Variants in ITSN1 observed in about 807,000 individuals in gnomAD.
The protein encoded by ITSN1 is intersectin-1.
ITSN1 carries 58 observed loss-of-function variants against 239.8 expected under a neutral mutation model. That is an observed-to-expected ratio of 0.24 (90% confidence interval 0.20 to 0.30). The LOEUF (loss-of-function observed/expected upper bound fraction) is 0.30, where lower values mean the gene tolerates loss of function less well. Ranked by LOEUF, ITSN1 falls within the 10% of genes least tolerant of loss-of-function variation. ITSN1 has a pLI of 1.00. For missense variants in ITSN1, 1,558 were observed against 2,103.3 expected, an observed-to-expected ratio of 0.74 and a Z score of 5.07; for synonymous variants, 780 against 770.8, an observed-to-expected ratio of 1.01 and a Z score of -0.20.
Position 33,882,471 on chromosome 21 carries a change from G to C in ITSN1, c.4554+16G>C. 2.5e-6 allele frequency: 4 copies of C among 1,606,386 alleles called. No homozygotes were observed. The highest frequency in any genetic ancestry group is 3.4e-6 in the Non-Finnish European group (4 of 1,174,496). On this transcript the variant is annotated intron_variant, in intron 35 of 39. Coordinates refer to ENST00000381318, the MANE Select transcript of ITSN1 (RefSeq NM_003024.3). This position sits in a 1 kb window ranked among gnomAD's most constrained non-coding sequence, Gnocchi z 4.5. ...GTATAAAACAGTAAGTTGGATTCTA[G>C]ATTTTGCATTATCAGGGTTGACGTG... is the stretch of plus-strand genomic sequence containing the variant.
chr21:33,721,400 G>A, intron 3 of ITSN1, 130 bp downstream of exon 3: 1 of 625,734 alleles, frequency 1.6e-6, no homozygotes, highest in South Asian at 2.1e-5. Flanking sequence ...CCCTAACCTT[G>A]TGCCTGTCCT....
rs552039109 is a variant in ITSN1 at position 33,751,028 on chromosome 21, G to A, written c.526+706G>A. Among the ~76,000 whole-genome samples the A allele has an allele frequency of 7.2e-4, 110 of 152,178 alleles. 1 individual carries two copies. Among genetic ancestry groups the A allele is most frequent in the Admixed American group, 3.2e-3 (49 of 15,286 alleles). On this transcript the variant is annotated intron_variant, in intron 6 of 39. Coordinates refer to ENST00000381318, the MANE Select transcript of ITSN1 (RefSeq NM_003024.3). ...AGCATCATACTTGAAACATTTCTGC[G>A]CCTTTGGCCCCCTGAATTTGTTGTA...
At chr21:33,647,518 C>T (rs973940452) in intron 1 of ITSN1, among the ~76,000 whole-genome samples, 10 of 151,406 alleles carry the variant, frequency 6.6e-5, no homozygotes, top group East Asian at 1.9e-4. Context: ...TTTTTTCAGA[C>T]GGAGTCTCAG....
intron 14 of ITSN1, among the ~76,000 whole-genome samples, chr21:33,781,240 A>G (rs111636625): frequency 1.3e-5 from 2 of 152,230 alleles, no homozygotes; most frequent in Non-Finnish European, 2.9e-5. Context: ...AATATAAGAA[A>G]TATCAGGGAA....
intron 1 of ITSN1, among the ~76,000 whole-genome samples, chr21:33,656,663 G>A (rs2089108627): frequency 6.6e-6 from 1 of 152,084 alleles, no homozygotes; most frequent in South Asian, 2.1e-4. Flanking sequence ...AGCCCCCGGA[G>A]TAGGTAGATC....
At chr21:33,660,895 A>G (rs2089497995) in intron 1 of ITSN1, among the ~76,000 whole-genome samples, 1 of 152,166 alleles carries the variant, frequency 6.6e-6, no homozygotes, top group Non-Finnish European at 1.5e-5. Context: ...AACATCATGT[A>G]TTGGTCATTT....
At position 33,890,059 on chromosome 21, in the gene ITSN1, A is replaced by G. The variant is rs1182261346; in HGVS notation, c.*1759A>G. ...CTGAACATGTTAGAGACCAAGTTTA[A>G]CTTCAGGCATGCATTTGTTTACCAT... On this transcript the variant is annotated 3_prime_UTR_variant, in exon 40 of 40. Coordinates refer to ENST00000381318, the MANE Select transcript of ITSN1 (RefSeq NM_003024.3). The G allele has an allele frequency of 2.0e-5, 3 of 152,234 alleles. No homozygotes were observed. Among genetic ancestry groups the G allele is most frequent in the Admixed American group, 6.5e-5 (1 of 15,278 alleles). 9.4% of individuals were successfully genotyped at this position (152,234 alleles called of 1,614,324 possible).
rs527827314 is a variant in ITSN1 at position 33,775,017 on chromosome 21, G to A, written c.1505G>A (p.Arg502Gln). 1.9e-5 allele frequency: 31 copies of A among 1,613,838 alleles called. No individual in the cohort carries two copies. In the East Asian group the frequency reaches 2.0e-4, roughly 10 times the overall value. The change falls in exon 14 of 40, where the codon CGA (arginine) becomes CAA (glutamine). Residue 502 changes from arginine (R) to glutamine (Q), a missense_variant. Arg to Gln is a conservative substitution (Grantham distance 43, BLOSUM62 1). Coordinates refer to ENST00000381318, the MANE Select transcript of ITSN1 (RefSeq NM_003024.3). ...LEGKLQDIRC[R>Q]LTTQRQEIES... The stretch of plus-strand genomic sequence containing the variant: ...GGGAAACTTCAAGATATCAGATGTC[G>A]ATTGACCACCCAAAGGCAAGAAATT...
At chr21:33,782,868 A>G (rs2070316870) in intron 16 of ITSN1, among the ~76,000 whole-genome samples, 1 of 151,938 alleles carries the variant, frequency 6.6e-6, no homozygotes. Context: ...TACTAAAAAT[A>G]CAAAAAATTA....
At position 33,836,473 on chromosome 21, in the gene ITSN1, G is replaced by A. The variant is rs185723649; in HGVS notation, c.3502G>A (p.Ala1168Thr). ...CQVIGMYDYT[A>T]QNDDELAFNK... The stretch of plus-strand genomic sequence containing the variant: ...GGTGATTGGGATGTACGACTACACC[G>A]CGCAGAATGACGATGAGCTGGCCTT... The change falls in exon 29 of 40, where the codon GCG (alanine) becomes ACG (threonine). Residue 1168 changes from alanine to threonine, a missense_variant. This residue lies in a region of ITSN1 where 576 missense variants were observed against 893.3 expected (regional missense o/e 0.64). Coordinates refer to ENST00000381318, the MANE Select transcript of ITSN1 (RefSeq NM_003024.3). The A allele has an allele frequency of 9.5e-5, 153 of 1,613,404 alleles. No homozygotes were observed. The African/African-American group carries it at 1.0e-3, about 11-fold the overall frequency.
intron 4 of ITSN1, among the ~76,000 whole-genome samples, chr21:33,729,688 A>G (rs1345991557): frequency 1.3e-5 from 2 of 152,216 alleles, no homozygotes; most frequent in African/African-American, 4.8e-5. Flanking sequence ...ATGGTAATCC[A>G]TATATTGCCA....
In ITSN1 at chr21:33,875,386, C is replaced by T; in HGVS notation, c.4206C>T (p.Asp1402=). The T allele has an allele frequency of 6.2e-7, 1 of 1,613,478 alleles. No individual in the cohort carries two copies. The change falls in exon 34 of 40, where the codon GAC becomes GAT. Residue 1402 remains aspartate, a synonymous_variant. Coordinates refer to ENST00000381318, the MANE Select transcript of ITSN1 (RefSeq NM_003024.3). Reference sequence around the variant, plus strand: ...AAAACACCCCTGAAAACCACCCGGACCACAGCCACTTGAAGCACGCCCTGG... The same window carrying T: ...AAAACACCCCTGAAAACCACCCGGATCACAGCCACTTGAAGCACGCCCTGG... ...ILENTPENHP[D]HSHLKHALEK...
At chr21:33,748,417 T>G (rs369315801) in intron 5 of ITSN1, among the ~76,000 whole-genome samples, 2 of 152,070 alleles carry the variant, frequency 1.3e-5, no homozygotes, top group East Asian at 1.9e-4. Context: ...TGACTGTACT[T>G]CAGCCTGGGT....
Position 33,802,439 on chromosome 21 carries a change from G to A in ITSN1, c.2314G>A (p.Glu772Lys), listed in dbSNP as rs898961805. 6 of 1,613,554 alleles carry A rather than the reference G, an allele frequency of 3.7e-6. No individual in the cohort carries two copies. In the African/African-American group the frequency reaches 5.3e-5, roughly 14 times the overall value. ...QPGDIVMVKG[E>K]WVDESQTGEP... Reference sequence around the variant, plus strand: ...TGCTTTCCTGGTGGAGGTTAAAGGGGAATGGGTAAGTGTTGCCTAACTGTC... The same window carrying A: ...TGCTTTCCTGGTGGAGGTTAAAGGGAAATGGGTAAGTGTTGCCTAACTGTC... The change falls in exon 20 of 40, where the codon GAA becomes AAA. Residue 772 changes from glutamate (E) to lysine (K), a missense_variant. This residue lies in a region of ITSN1 where 982 missense variants were observed against 1,209.9 expected (regional missense o/e 0.81). Coordinates refer to ENST00000381318, the MANE Select transcript of ITSN1 (RefSeq NM_003024.3).
intron 1 of ITSN1, among the ~76,000 whole-genome samples, chr21:33,706,680 C>G (rs181271480): frequency 6.6e-6 from 1 of 152,286 alleles, no homozygotes; most frequent in Admixed American, 6.5e-5. Context: ...AGATCTGCCA[C>G]TTAACTTGCT....
At chr21:33,821,383 G>C (rs943132064) in intron 24 of ITSN1, among the ~76,000 whole-genome samples, 4 of 152,312 alleles carry the variant, frequency 2.6e-5, no homozygotes, top group Admixed American at 6.5e-5. Context: ...TCTGAGAAAA[G>C]CTATTTACAT....
intron 31 of ITSN1, among the ~76,000 whole-genome samples, chr21:33,859,095 G>A (rs557176376): frequency 6.6e-6 from 1 of 152,152 alleles, no homozygotes; most frequent in East Asian, 1.9e-4. Flanking sequence ...GATGGTGCTG[G>A]CTCCATGCTG....
chr21:33,671,320 A>C (rs917203279), intron 1 of ITSN1, among the ~76,000 whole-genome samples: 1 of 151,960 alleles, frequency 6.6e-6, no homozygotes, highest in Non-Finnish European at 1.5e-5. Flanking sequence ...CAGAGTTTCA[A>C]TCTTGTCACC....
Position 33,750,491 on chromosome 21 carries a change from A to G in ITSN1, c.526+169A>G, listed in dbSNP as rs933105840. On this transcript the variant is annotated intron_variant, in intron 6 of 39. Coordinates refer to ENST00000381318, the MANE Select transcript of ITSN1 (RefSeq NM_003024.3). ...TTTCACATTTTTTCCACTGTATTAA[A>G]TGGGATATGTTAGTGTGGAGAGAGT... Among the ~76,000 whole-genome samples the G allele has an allele frequency of 7.9e-5, 12 of 152,216 alleles. 1 individual carries two copies. Among genetic ancestry groups the G allele is most frequent in the Admixed American group, 7.9e-4 (12 of 15,282 alleles).
Sources: gnomAD v4.1 joint callset for allele counts (sites outside exome capture counted in the v4.1 genomes callset) on GRCh38, gnomAD v4.1.1 for gene constraint, gnomAD v4.1.1 regional missense constraint, Gnocchi (gnomAD v3.1) non-coding constraint, MANE v1.5 for transcripts, NCBI Gene and HGNC (gene_info 2026-07-23, HGNC 2026-07-21) for gene names.